The following NELL1 variants were observed in gnomAD, a reference collection of about 807,000 sequenced individuals.
NELL1 encodes neural EGFL like 1.
NELL1 carries 76 observed loss-of-function variants against 107.4 expected under a neutral mutation model. The ratio of observed to expected loss-of-function variants is 0.71; its 90% CI spans 0.59 to 0.86. The LOEUF (loss-of-function observed/expected upper bound fraction) is 0.86. Among genes scored for constraint, NELL1 ranks in the 40% least tolerant of loss-of-function variants. NELL1 has a pLI of 0.00. For synonymous variants in NELL1, 353 were observed against 341.2 expected, an observed-to-expected ratio of 1.03 and a Z score of -0.38; for missense variants, 1,024 against 1,005.5, an observed-to-expected ratio of 1.02 and a Z score of -0.25.
rs192255426 is a variant in NELL1, at chr11:21,021,483, T to G, written c.1300+60923T>G. ...GGCATGGGGCTTAAAACATTAAACT[T>G]ATTTTCATTATCAGAGCACGTCTTA... On this transcript the variant is annotated intron_variant, in intron 12 of 19. Transcript: ENST00000357134. Among the ~76,000 whole-genome samples, 41 of 152,266 alleles carry G rather than the reference T, an allele frequency of 2.7e-4. 1 individual carries two copies. Among genetic ancestry groups the G allele is most frequent in the Non-Finnish European group, 1.2e-4 (8 of 67,992 alleles).
At chr11:20,834,707 A>C (rs567907867) in intron 3 of NELL1, among the ~76,000 whole-genome samples, 2 of 152,112 alleles carry the variant, frequency 1.3e-5, no homozygotes, top group Non-Finnish European at 2.9e-5. Flanking sequence ...TCTCAAAAAA[A>C]AAAACAAAAA....
At chr11:20,846,931 A>G (rs1360028832) in intron 3 of NELL1, among the ~76,000 whole-genome samples, 1 of 152,230 alleles carries the variant, frequency 6.6e-6, no homozygotes, top group Non-Finnish European at 1.5e-5. Flanking sequence ...TGGTAAGGCT[A>G]AGAATTTCTT....
intron 12 of NELL1, among the ~76,000 whole-genome samples, chr11:20,992,325 G>A (rs1248358713): frequency 1.3e-5 from 2 of 152,226 alleles, no homozygotes; most frequent in Non-Finnish European, 2.9e-5. Flanking sequence ...TGTCCAGGAT[G>A]CTGGATGCTA....
At chr11:21,288,045 T>TAAGGGAAGGAAGGAAAA (rs145837916) in intron 14 of NELL1, among the ~76,000 whole-genome samples, 1,736 of 143,858 alleles carry the variant, frequency 0.012, 46 homozygotes, top group African/African-American at 0.043. Context: ...AAAGAAAAAA[T>TAAGGGAAGGAAGGAAAA]AAGGGAAGGA....
At chr11:21,060,330 A>G (rs1472579184) in intron 12 of NELL1, among the ~76,000 whole-genome samples, 1 of 152,194 alleles carries the variant, frequency 6.6e-6, no homozygotes, top group Admixed American at 6.5e-5. Context: ...TGTTGTGATT[A>G]TTAAATCAAA....
At position 20,868,723 on chromosome 11, in the gene NELL1, T is replaced by G. The variant is rs184698183; in HGVS notation, c.507-16721T>G. Reference sequence around the variant, plus strand: ...AGAAAACCCAAATATACATATTGAGTAGGTCCATTATAAATCTGGGAAAAT... The same window carrying G: ...AGAAAACCCAAATATACATATTGAGGAGGTCCATTATAAATCTGGGAAAAT... On this transcript the variant is annotated intron_variant, in intron 4 of 19. Coordinates refer to ENST00000357134, the MANE Select transcript of NELL1 (RefSeq NM_006157.5). 2.0e-3 allele frequency among the ~76,000 whole-genome samples: 311 copies of G among 152,182 alleles called. 1 individual carries two copies. The highest frequency in any genetic ancestry group is 2.7e-3 in the East Asian group (14 of 5,180).
chr11:21,192,774 G>A (rs751674578), intron 13 of NELL1, among the ~76,000 whole-genome samples: 6 of 151,752 alleles, frequency 4.0e-5, no homozygotes, highest in Non-Finnish European at 8.8e-5. Context: ...AAGGAATGTG[G>A]CCACTTTTTT....
chr11:20,955,133 C>A (rs1360467138), intron 11 of NELL1, among the ~76,000 whole-genome samples: 2 of 152,154 alleles, frequency 1.3e-5, no homozygotes, highest in Non-Finnish European at 1.5e-5. Flanking sequence ...CCTAAAAGTA[C>A]CCCTTTGGTA....
intron 14 of NELL1, among the ~76,000 whole-genome samples, chr11:21,256,389 C>G (rs1791878): frequency 0.38 from 57,055 of 151,844 alleles, 11,509 homozygotes; most frequent in Non-Finnish European, 0.46. Flanking sequence ...TGATCTGAGT[C>G]TGAAGCCAGG....
chr11:21,337,234 G>A (rs925356609), intron 14 of NELL1, among the ~76,000 whole-genome samples: 2 of 152,126 alleles, frequency 1.3e-5, no homozygotes, highest in African/African-American at 4.8e-5. Context: ...AATAAACTGG[G>A]TTCTTTTTGT....
At chr11:20,755,900 T>G (rs11025744) in intron 2 of NELL1, among the ~76,000 whole-genome samples, 96,997 of 126,218 alleles carry the variant, frequency 0.77, 38,340 homozygotes, top group Middle Eastern at 0.93. Context: ...TTTTTTTTTT[T>G]TTTTTTTTAT....
At chr11:21,152,140 C>G (rs777858717) in intron 13 of NELL1, among the ~76,000 whole-genome samples, 1 of 152,110 alleles carries the variant, frequency 6.6e-6, no homozygotes, top group Non-Finnish European at 1.5e-5. Flanking sequence ...TGTCACAGTT[C>G]GGTATGTTTT....
intron 4 of NELL1, among the ~76,000 whole-genome samples, chr11:20,882,993 C>T (rs531930813): frequency 1.3e-5 from 2 of 152,324 alleles, no homozygotes; most frequent in African/African-American, 4.8e-5. Context: ...CCTCCTCCCT[C>T]CTCAGCAAGT....
chr11:20,928,213 G>A (rs994140081), intron 8 of NELL1, among the ~76,000 whole-genome samples, 164 bp from the exon 9 acceptor site: 6 of 152,132 alleles, frequency 3.9e-5, no homozygotes, highest in African/African-American at 1.2e-4. Flanking sequence ...CAGGTCATTC[G>A]GGCCGGAGAA....
intron 5 of NELL1, among the ~76,000 whole-genome samples, chr11:20,892,402 G>C (rs1849634903): frequency 6.6e-6 from 1 of 152,170 alleles, no homozygotes; most frequent in Non-Finnish European, 1.5e-5. Context: ...ATACCAGTCG[G>C]AATGGTGATT....
At chr11:21,107,103 G>A (rs1371318984) in intron 12 of NELL1, among the ~76,000 whole-genome samples, 2 of 152,238 alleles carry the variant, frequency 1.3e-5, no homozygotes, top group South Asian at 4.1e-4. Context: ...TCCCTCACCT[G>A]AGTGGAACAT....
At chr11:21,519,545 G>GTTT (rs5790192) in intron 15 of NELL1, among the ~76,000 whole-genome samples, 260 of 147,086 alleles carry the variant, frequency 1.8e-3, no homozygotes, top group East Asian at 9.1e-3. Flanking sequence ...TTTGTTTTTT[G>GTTT]TTTTTTTTTT....
chr11:21,517,361 C>T (rs1040959904), intron 15 of NELL1, among the ~76,000 whole-genome samples: 14 of 152,090 alleles, frequency 9.2e-5, no homozygotes, highest in South Asian at 2.1e-4. Context: ...ATTAGACAGA[C>T]GGTGAATAAA....
chr11:20,753,720 C>T (rs1379798640), intron 2 of NELL1, among the ~76,000 whole-genome samples: 1 of 152,100 alleles, frequency 6.6e-6, no homozygotes, highest in African/African-American at 2.4e-5. Flanking sequence ...ATAAGGTGCT[C>T]CAATGATGTC....
Sources: allele counts gnomAD v4.1 joint callset (sites outside exome capture counted in the v4.1 genomes callset), GRCh38; gene constraint gnomAD v4.1.1; transcripts MANE v1.5; gene names NCBI Gene and HGNC (gene_info 2026-07-23, HGNC 2026-07-21).